Variants in TAFA2 observed in about 807,000 individuals in gnomAD.
TAFA2 encodes the protein TAFA chemokine like family member 2, also known as chemokine-like protein TAFA-2.
A neutral mutation model predicts 18.8 loss-of-function variants in TAFA2; 7 were observed. That is an observed-to-expected ratio of 0.37 (90% CI 0.21 to 0.70). TAFA2 has a LOEUF of 0.70. Ranked by LOEUF, TAFA2 falls within the 30% of genes least tolerant of loss-of-function variation. The pLI is 0.53. For missense variants in TAFA2, 122 were observed against 158.1 expected (o/e 0.77, Z 1.23); for synonymous variants, 60 against 54.2 (o/e 1.11, Z -0.47).
chr12:62,172,213 GCCTTCCTCCCTC>G (rs1398241715), intron 1 of TAFA2, among the ~76,000 whole-genome samples: 4 of 151,922 alleles, frequency 2.6e-5, no homozygotes, highest in Non-Finnish European at 4.4e-5. Context: ...AAACAAGGAT[GCCTTCCTCCCTC>G]CCTTCCTCCC....
intron 1 of TAFA2, among the ~76,000 whole-genome samples, chr12:62,075,037 C>G (rs2136809958): frequency 6.6e-6 from 1 of 152,238 alleles, no homozygotes; most frequent in African/African-American, 2.4e-5. Flanking sequence ...CTACAAGAAA[C>G]TCATCACAAA....
chr12:61,716,024 G>A (rs1869643208), intron 4 of TAFA2, among the ~76,000 whole-genome samples: 1 of 152,132 alleles, frequency 6.6e-6, no homozygotes, highest in Non-Finnish European at 1.5e-5. Flanking sequence ...ATGATTTACT[G>A]GGTAAAACAG....
intron 1 of TAFA2, among the ~76,000 whole-genome samples, chr12:62,088,172 A>G (rs558434742): frequency 1.3e-5 from 2 of 152,222 alleles, no homozygotes; most frequent in East Asian, 3.9e-4. Flanking sequence ...TATTAACAGT[A>G]TTGTTAATGA....
chr12:62,088,902 CTCT>C (rs1868582974), intron 1 of TAFA2, among the ~76,000 whole-genome samples: 1 of 129,254 alleles, frequency 7.7e-6, no homozygotes, highest in Admixed American at 7.8e-5. Context: ...CTCTCTCTCT[CTCT>C]ATCTCTGTGT....
chr12:61,872,024 A>G (rs557103595), intron 1 of TAFA2, among the ~76,000 whole-genome samples: 2 of 152,280 alleles, frequency 1.3e-5, no homozygotes, highest in Non-Finnish European at 2.9e-5. Context: ...CCCGGGAGGT[A>G]GAGCTTGCAG....
intron 1 of TAFA2, among the ~76,000 whole-genome samples, chr12:62,059,341 A>G (rs940931478): frequency 6.6e-6 from 1 of 151,976 alleles, no homozygotes; most frequent in Non-Finnish European, 1.5e-5. Context: ...TAAAAAGATG[A>G]AAGTAATTAT....
At chr12:62,123,933 G>A (rs1388876017) in intron 1 of TAFA2, among the ~76,000 whole-genome samples, 1 of 151,970 alleles carries the variant, frequency 6.6e-6, no homozygotes, top group South Asian at 2.1e-4. Flanking sequence ...AGAGTTAGGA[G>A]GTTACAGAAC....
chr12:62,135,057 A>T (rs953988930), intron 1 of TAFA2, among the ~76,000 whole-genome samples: 15 of 152,102 alleles, frequency 9.9e-5, no homozygotes, highest in Non-Finnish European at 1.5e-4. Flanking sequence ...TCACTGCAAT[A>T]ATTCCATGTC....
chr12:62,155,609 G>A (rs1327497938), intron 1 of TAFA2, among the ~76,000 whole-genome samples: 1 of 152,078 alleles, frequency 6.6e-6, no homozygotes, highest in African/African-American at 2.4e-5. Context: ...ATAGACCAAT[G>A]GAACAGAATA....
chr12:61,863,849 G>C (rs557252881), intron 2 of TAFA2, among the ~76,000 whole-genome samples: 5 of 152,238 alleles, frequency 3.3e-5, no homozygotes, highest in Admixed American at 3.3e-4. Flanking sequence ...CCTTGCCATG[G>C]GGAACAGGCC....
intron 1 of TAFA2, among the ~76,000 whole-genome samples, chr12:61,966,805 T>C (rs1389891962): frequency 6.6e-6 from 1 of 151,926 alleles, no homozygotes; most frequent in African/African-American, 2.4e-5. Context: ...ATACAAATTC[T>C]CTCTTCCTTC....
At chr12:61,852,650 A>G (rs1873723309) in intron 2 of TAFA2, among the ~76,000 whole-genome samples, 1 of 152,208 alleles carries the variant, frequency 6.6e-6, no homozygotes, top group African/African-American at 2.4e-5. Context: ...TCAGAGTAGT[A>G]GTTCCCCAGT....
chr12:62,224,918 C>T (rs1411706039), intron 1 of TAFA2, among the ~76,000 whole-genome samples: 3 of 151,950 alleles, frequency 2.0e-5, no homozygotes, highest in Non-Finnish European at 2.9e-5. Context: ...AAGTAATGGG[C>T]AATACATTTC....
chr12:62,098,566 T>C (rs1363664050), intron 1 of TAFA2, among the ~76,000 whole-genome samples: 3 of 152,150 alleles, frequency 2.0e-5, no homozygotes, highest in Non-Finnish European at 4.4e-5. Flanking sequence ...AAATTAAGGC[T>C]CTAATTCTTG....
At chr12:61,901,860 T>G (rs1339897849) in intron 1 of TAFA2, among the ~76,000 whole-genome samples, 1 of 152,160 alleles carries the variant, frequency 6.6e-6, no homozygotes, top group Non-Finnish European at 1.5e-5. Context: ...TCTGTCATTA[T>G]ATAATTTCTA....
chr12:62,236,250 ATGTTTTTTTTCT>A (rs1309151199), intron 1 of TAFA2, among the ~76,000 whole-genome samples: 1 of 145,390 alleles, frequency 6.9e-6, no homozygotes, highest in East Asian at 2.0e-4. Flanking sequence ...ATGCCTTCAA[ATGTTTTTTTTCT>A]TTTTTTTTTC....
At chr12:62,003,333 A>G (rs2136703349) in intron 1 of TAFA2, among the ~76,000 whole-genome samples, 1 of 152,002 alleles carries the variant, frequency 6.6e-6, no homozygotes, top group East Asian at 1.9e-4. Context: ...TTCCCCTCCT[A>G]TTCTCATCTG....
At chr12:61,769,777 A>T (rs1869947663) in intron 2 of TAFA2, among the ~76,000 whole-genome samples, 5 of 152,132 alleles carry the variant, frequency 3.3e-5, no homozygotes, top group Admixed American at 3.3e-4. Context: ...CTGACAGTCT[A>T]TCCAAATGAG....
chr12:61,963,294 G>T (rs1304049266), intron 1 of TAFA2, among the ~76,000 whole-genome samples: 1 of 151,874 alleles, frequency 6.6e-6, no homozygotes, highest in East Asian at 1.9e-4. Context: ...TTGAGGAATT[G>T]CCACACTATC....
Sources: allele counts gnomAD v4.1 joint callset (sites outside exome capture counted in the v4.1 genomes callset), GRCh38; gene constraint gnomAD v4.1.1; transcripts MANE v1.5; gene names NCBI Gene and HGNC (gene_info 2026-07-23, HGNC 2026-07-21).